KLF8: variants seen among roughly 807,000 people sequenced by gnomAD.
KLF8 encodes the protein Krueppel-like factor 8.
A neutral mutation model predicts 18.2 loss-of-function variants in KLF8; 10 were observed. That is an observed-to-expected ratio of 0.55 (90% CI 0.34 to 0.93). The LOEUF is 0.93. Ranked by LOEUF, KLF8 falls within the 40% of genes least tolerant of loss-of-function variation. The pLI is 0.02. For synonymous variants in KLF8, 109 were observed against 97.3 expected, an observed-to-expected ratio of 1.12 and a Z score of -0.71; for missense variants, 264 against 277.9, an observed-to-expected ratio of 0.95 and a Z score of 0.36.
At chrX:56,069,360 G>T in the KLF8 span, among the ~76,000 whole-genome samples, 24 of 111,221 alleles carry the variant, frequency 2.2e-4, no homozygotes, top group Non-Finnish European at 7.6e-5. Flanking sequence ...TCGGTTAGAG[G>T]GTGCAGCTTC....
At chrX:55,941,534 C>G in the KLF8 span, among the ~76,000 whole-genome samples, 3 of 111,882 alleles carry the variant, frequency 2.7e-5, no homozygotes, top group African/African-American at 6.5e-5. Flanking sequence ...TCTAATTCAA[C>G]TAAAGAGCTT....
the KLF8 span, among the ~76,000 whole-genome samples, chrX:56,129,288 C>A: frequency 2.7e-5 from 3 of 111,767 alleles, no homozygotes; most frequent in Non-Finnish European, 5.6e-5. Context: ...AATCTACAGA[C>A]CCTTTGAAGG....
the KLF8 span, among the ~76,000 whole-genome samples, chrX:55,944,120 T>C: frequency 9.0e-6 from 1 of 111,608 alleles, no homozygotes; most frequent in African/African-American, 3.3e-5. Flanking sequence ...TCTGTTTATA[T>C]GCTGGATTAC....
the KLF8 span, among the ~76,000 whole-genome samples, chrX:56,003,995 C>G: frequency 8.9e-6 from 1 of 112,255 alleles, no homozygotes; most frequent in African/African-American, 3.2e-5. Flanking sequence ...ATAACCAAAT[C>G]ATGTCCTTTC....
the KLF8 span, among the ~76,000 whole-genome samples, chrX:55,946,763 C>G: frequency 2.7e-5 from 3 of 110,997 alleles, no homozygotes; most frequent in Non-Finnish European, 5.7e-5. Context: ...TATCCAGAAT[C>G]TACAATCAAC....
At chrX:56,206,126 T>A in the KLF8 span, among the ~76,000 whole-genome samples, 1 of 111,245 alleles carries the variant, frequency 9.0e-6, no homozygotes, top group African/African-American at 3.3e-5. Context: ...ACCACCCCTA[T>A]GATTCAATTA....
the KLF8 span, among the ~76,000 whole-genome samples, chrX:55,912,921 G>A: frequency 8.9e-6 from 1 of 111,860 alleles, no homozygotes; most frequent in Non-Finnish European, 1.9e-5. Flanking sequence ...GCAAAATCAA[G>A]CAACTTGCCT....
the KLF8 span, among the ~76,000 whole-genome samples, chrX:56,135,109 G>T: frequency 1.8e-5 from 2 of 111,485 alleles, no homozygotes; most frequent in Non-Finnish European, 3.8e-5. Flanking sequence ...GGTGGGACTG[G>T]AAACTAGTTC....
the KLF8 span, among the ~76,000 whole-genome samples, chrX:56,045,833 T>C: frequency 1.8e-5 from 2 of 111,245 alleles, no homozygotes; most frequent in South Asian, 7.7e-4. Flanking sequence ...TCTAGGTACA[T>C]GACCATATCA....
the KLF8 span, among the ~76,000 whole-genome samples, chrX:56,000,488 A>G: frequency 0.21 from 3,336 of 15,696 alleles, 1 homozygote; most frequent in Middle Eastern, 0.38. Context: ...GGGGGGGGGG[A>G]GGGATTTTTT....
the KLF8 span, among the ~76,000 whole-genome samples, chrX:55,988,116 A>G: frequency 9.0e-6 from 1 of 111,299 alleles, no homozygotes; most frequent in South Asian, 3.7e-4. Context: ...TTGTCAGATG[A>G]GTAGTTTGCA....
chrX:56,064,157 G>GTA, the KLF8 span, among the ~76,000 whole-genome samples: 9,398 of 103,963 alleles, frequency 0.09, 1,119 homozygotes, highest in African/African-American at 0.31. Context: ...GTGTGTGTGT[G>GTA]TATATATATA....
At chrX:55,921,477 C>T in the KLF8 span, among the ~76,000 whole-genome samples, 1 of 111,792 alleles carries the variant, frequency 8.9e-6, no homozygotes, top group Non-Finnish European at 1.9e-5. Context: ...TAGCATGATG[C>T]CTCCAGCTTT....
the KLF8 span, among the ~76,000 whole-genome samples, chrX:56,164,729 C>CTTTTTTTTTTTTTTTTTTTAATTTTT: frequency 5.8e-5 from 3 of 51,920 alleles, no homozygotes; most frequent in Non-Finnish European, 1.0e-4. Flanking sequence ...CTTGTTATCT[C>CTTTTTTTTTTTTTTTTTTTAATTTTT]TTTTTTTTTT....
chrX:55,941,918 G>T, the KLF8 span, among the ~76,000 whole-genome samples: 61 of 111,676 alleles, frequency 5.5e-4, no homozygotes, highest in African/African-American at 2.0e-3. Flanking sequence ...CACTGTTGGT[G>T]GGATTGTAAA....
At chrX:56,223,906 T>TA in the KLF8 span, among the ~76,000 whole-genome samples, 1 of 111,649 alleles carries the variant, frequency 9.0e-6, no homozygotes, top group African/African-American at 3.3e-5. Context: ...TTTTAGTTTT[T>TA]ATCTTACACC....
chrX:56,178,646 G>T, the KLF8 span, among the ~76,000 whole-genome samples: 5 of 112,100 alleles, frequency 4.5e-5, no homozygotes, highest in Admixed American at 9.4e-5. Flanking sequence ...AATCCATCTT[G>T]AATTAATTTT....
At chrX:56,053,138 C>T in the KLF8 span, among the ~76,000 whole-genome samples, 14 of 112,157 alleles carry the variant, frequency 1.2e-4, no homozygotes, top group East Asian at 2.5e-3. Context: ...GCGCACGGTG[C>T]CCGCACCCAC....
the KLF8 span, among the ~76,000 whole-genome samples, chrX:56,027,270 G>T: frequency 1.8e-5 from 2 of 112,075 alleles, no homozygotes; most frequent in Admixed American, 9.4e-5. Context: ...GTAGGGAGTA[G>T]ATGCTGCTTT....
Sources: allele counts gnomAD v4.1 joint callset (sites outside exome capture counted in the v4.1 genomes callset), GRCh38; gene constraint gnomAD v4.1.1; transcripts MANE v1.5; gene names NCBI Gene and HGNC (gene_info 2026-07-23, HGNC 2026-07-21).